The following G3BP2 variants were observed in gnomAD, a reference collection of about 807,000 sequenced individuals.
G3BP2 encodes the protein ras GTPase-activating protein-binding protein 2.
Under a neutral mutation model 56.7 loss-of-function variants are expected in G3BP2, and 11 were observed. The ratio of observed to expected loss-of-function variants is 0.19; its 90% confidence interval spans 0.12 to 0.32. The LOEUF (loss-of-function observed/expected upper bound fraction) is 0.32. Among genes scored for constraint, G3BP2 ranks in the 10% least tolerant of loss-of-function variants. G3BP2 has a pLI of 1.00. For synonymous variants in G3BP2, 165 were observed against 191.6 expected, an observed-to-expected ratio of 0.86 and a Z score of 1.15; for missense variants, 340 against 610.9, an observed-to-expected ratio of 0.56 and a Z score of 4.67.
chr4:75,674,341 A>G (rs960696913), upstream of G3BP2, among the ~76,000 whole-genome samples: 2 of 152,230 alleles, frequency 1.3e-5, no homozygotes, highest in Non-Finnish European at 2.9e-5. Flanking sequence ...GGACGCAAGC[A>G]TGTACATCTC....
chr4:75,682,144 C>A (rs956625365), intron 3 of G3BP2, among the ~76,000 whole-genome samples: 1 of 151,838 alleles, frequency 6.6e-6, no homozygotes, highest in Non-Finnish European at 1.5e-5. Context: ...TGGCCAGGTG[C>A]GGTGGCTCAT....
chr4:75,680,086 C>T (rs1178485410), intron 3 of G3BP2, among the ~76,000 whole-genome samples: 2 of 152,102 alleles, frequency 1.3e-5, no homozygotes, highest in African/African-American at 4.8e-5. Flanking sequence ...GGATATGAGA[C>T]GCCACAAGGT....
chr4:75,654,442 T>C (rs1488214402), intron 7 of G3BP2, among the ~76,000 whole-genome samples: 2 of 152,194 alleles, frequency 1.3e-5, no homozygotes, highest in African/African-American at 2.4e-5. Context: ...GTGATGGTGT[T>C]AACGGGAGAG....
At chr4:75,668,378 A>C (rs1733223821) in intron 1 of G3BP2, among the ~76,000 whole-genome samples, 1 of 152,208 alleles carries the variant, frequency 6.6e-6, no homozygotes, top group Non-Finnish European at 1.5e-5. Flanking sequence ...GTGAATCACT[A>C]CTATAATGGG....
intron 3 of G3BP2, among the ~76,000 whole-genome samples, chr4:75,717,465 T>G (rs1350876469): frequency 6.6e-6 from 1 of 152,120 alleles, no homozygotes; most frequent in Non-Finnish European, 1.5e-5. Context: ...AGGCCCAGTC[T>G]GATCTCAAGA....
At position 75,722,592 on chromosome 4, in the gene G3BP2, G is replaced by C. The variant is rs558013610; in HGVS notation, c.-165-348C>G. Among the ~76,000 whole-genome samples, 4 of 152,270 alleles carry C rather than the reference G, an allele frequency of 2.6e-5. No individual in the cohort carries two copies. In the South Asian group the frequency reaches 8.3e-4, roughly 32 times the overall value. The stretch of plus-strand genomic sequence containing the variant: ...CTTAGGGGCTTAAGTGAAGTTCTTT[G>C]CATGCATTTCTTAGTAACAAAAATG... On this transcript the variant is annotated intron_variant, in intron 1 of 3. Coordinates refer to the G3BP2 transcript ENST00000499709.
At chr4:75,681,007 G>A (rs1212768722) in intron 3 of G3BP2, among the ~76,000 whole-genome samples, 5 of 148,438 alleles carry the variant, frequency 3.4e-5, no homozygotes, top group South Asian at 4.3e-4. Flanking sequence ...AAGAAAAACC[G>A]TGGCCTAAGT....
intron 1 of G3BP2, among the ~76,000 whole-genome samples, chr4:75,667,096 A>G (rs574421273): frequency 6.6e-6 from 1 of 152,136 alleles, no homozygotes; most frequent in African/African-American, 2.4e-5. Context: ...AGACCAGCCC[A>G]GGCAACATGG....
At chr4:75,715,658 T>G (rs530745056) in intron 3 of G3BP2, among the ~76,000 whole-genome samples, 20 of 152,322 alleles carry the variant, frequency 1.3e-4, no homozygotes, top group African/African-American at 4.1e-4. Flanking sequence ...AGGCTGAGGC[T>G]CAAAAAGCTT....
chr4:75,718,428 A>G (rs968361237), intron 3 of G3BP2, among the ~76,000 whole-genome samples: 1 of 152,196 alleles, frequency 6.6e-6, no homozygotes, highest in Non-Finnish European at 1.5e-5. Flanking sequence ...GAGAGGCAGA[A>G]CTTATGCTAG....
chr4:75,673,257 G>A lies in G3BP2; in HGVS notation c.-74C>T, dbSNP rs1208127206. Reference sequence around the variant, plus strand: ...ACGTCGCGCGGAGGTCAGAAGAGTCGCTGAGGACCGGGTGCGGCGGGTTCT... The same window carrying A: ...ACGTCGCGCGGAGGTCAGAAGAGTCACTGAGGACCGGGTGCGGCGGGTTCT... On this transcript the variant is annotated 5_prime_UTR_variant, in exon 1 of 12. Transcript: ENST00000359707. 27 of 1,222,380 alleles carry A rather than the reference G, an allele frequency of 2.2e-5. No individual in the cohort carries two copies. The highest frequency in any genetic ancestry group is 4.3e-5 in the Admixed American group (1 of 23,398). 75.7% of individuals were successfully genotyped at this position (1,222,380 alleles called of 1,614,324 possible). A position where few individuals can be genotyped will look rare whatever the true frequency, so the allele number is the denominator to read the frequency against.
chr4:75,702,171 A>ATTTTTTTT (rs57529973), intron 3 of G3BP2, among the ~76,000 whole-genome samples: 4 of 107,480 alleles, frequency 3.7e-5, no homozygotes, highest in East Asian at 3.0e-4. Context: ...AAACCCCCCA[A>ATTTTTTTT]TTTTTTTTTT....
upstream of G3BP2, chr4:75,673,924 C>G (rs966902120): frequency 6.2e-6 from 1 of 160,926 alleles, no homozygotes; most frequent in Non-Finnish European, 1.4e-5. Context: ...GTTTTAAGCC[C>G]CATTAAGAGG....
intron 3 of G3BP2, among the ~76,000 whole-genome samples, chr4:75,657,981 T>C (rs1732239964): frequency 6.6e-6 from 1 of 152,190 alleles, no homozygotes; most frequent in South Asian, 2.1e-4. Flanking sequence ...AGTAAGTATT[T>C]GGTCATTCTC....
chr4:75,666,939 AC>A, intron 1 of G3BP2, among the ~76,000 whole-genome samples: 1 of 152,270 alleles, frequency 6.6e-6, no homozygotes, highest in South Asian at 2.1e-4. Flanking sequence ...TTCCTAGTTT[AC>A]AAATTGAGAA....
chr4:75,694,764 A>G, intron 3 of G3BP2: 1 of 987,084 alleles, frequency 1.0e-6, no homozygotes, highest in Non-Finnish European at 1.2e-6. Flanking sequence ...AAACAAACAA[A>G]CAAACAAAAA....
chr4:75,709,129 A>T (rs1560422340), intron 3 of G3BP2, among the ~76,000 whole-genome samples: 1 of 147,668 alleles, frequency 6.8e-6, no homozygotes, highest in Non-Finnish European at 1.5e-5. Context: ...CAACAACAAA[A>T]CAACCAGCCA....
intron 3 of G3BP2, among the ~76,000 whole-genome samples, chr4:75,710,410 G>A (rs1294711393): frequency 6.6e-6 from 1 of 152,130 alleles, no homozygotes; most frequent in Non-Finnish European, 1.5e-5. Context: ...TAATCTATTG[G>A]TTACTTTTCC....
intron 3 of G3BP2, among the ~76,000 whole-genome samples, chr4:75,707,175 G>GAAAAAAA (rs35357713): frequency 9.7e-6 from 1 of 103,614 alleles, no homozygotes; most frequent in African/African-American, 3.9e-5. Context: ...ACTCCGTCTT[G>GAAAAAAA]AAAAAAAAAA....
Sources: gnomAD v4.1 joint callset for allele counts (sites outside exome capture counted in the v4.1 genomes callset) on GRCh38, gnomAD v4.1.1 for gene constraint, MANE v1.5 for transcripts, NCBI Gene and HGNC (gene_info 2026-07-23, HGNC 2026-07-21) for gene names.